TMED10: variants seen among roughly 807,000 people sequenced by gnomAD.
TMED10 encodes the protein transmembrane p24 trafficking protein 10.
In TMED10, 7 loss-of-function variants were observed where a neutral mutation model predicts 23.1. That is an observed-to-expected ratio of 0.30 (90% CI 0.17 to 0.57). The LOEUF (loss-of-function observed/expected upper bound fraction) is 0.57, where lower values mean the gene tolerates loss of function less well. Ranked by LOEUF, TMED10 falls within the 20% of genes least tolerant of loss-of-function variation. TMED10 has a pLI of 0.91. For missense variants in TMED10, 162 were observed against 274.8 expected, an observed-to-expected ratio of 0.59 and a Z score of 2.90; for synonymous variants, 113 against 106.9, an observed-to-expected ratio of 1.06 and a Z score of -0.35.
Position 75,147,610 on chromosome 14 carries a change from A to C in TMED10, c.411+54T>G, listed in dbSNP as rs926329402. On this transcript the variant is annotated intron_variant, in intron 3 of 4. Transcript: ENST00000303575. ...CCTGTTGGCCTGCCGAGGTCACAGA[A>C]ACCTCACAGCATAGCACACTGCTGC... 60 of 1,588,848 alleles carry C rather than the reference A, an allele frequency of 3.8e-5. 1 individual carries two copies. The East Asian group carries it at 6.0e-4, about 16-fold the overall frequency.
chr14:75,152,040 T>C lies in TMED10; in HGVS notation c.329A>G (p.Glu110Gly), dbSNP rs1202215495. The change falls in exon 2 of 5, where the codon GAG becomes GGG. Residue 110 changes from glutamate to glycine, a missense_variant. Glu to Gly is a moderately conservative substitution (Grantham distance 98). Around this residue, in one of 2 missense-constraint regions of TMED10, gnomAD observed 126 missense variants for 239.5 expected, o/e 0.53. Coordinates refer to ENST00000303575, the MANE Select transcript of TMED10 (RefSeq NM_006827.6). The stretch of plus-strand genomic sequence containing the variant: ...CACTCTTGATTACTCACCCTTGCTC[T>C]CAAAACACACTTCAAACATGTCATA... ...EDYDMFEVCF[E>G]SKGTGRIPDQ... The C allele has an allele frequency of 6.2e-7, 1 of 1,613,836 alleles. No individual in the cohort carries two copies. Among genetic ancestry groups the C allele is most frequent in the Admixed American group, 1.7e-5 (1 of 60,018 alleles).
chr14:75,145,169 T>C (rs1211399082), intron 3 of TMED10, among the ~76,000 whole-genome samples: 1 of 152,152 alleles, frequency 6.6e-6, no homozygotes, highest in Non-Finnish European at 1.5e-5. Flanking sequence ...CTTGGAGCTG[T>C]GTTGTAACTA....
At chr14:75,172,510 G>A (rs1476339252) in intron 1 of TMED10, among the ~76,000 whole-genome samples, 2 of 152,014 alleles carry the variant, frequency 1.3e-5, no homozygotes, top group Non-Finnish European at 2.9e-5. Context: ...GGGTTTCACC[G>A]TGTTGGTCAG....
chr14:75,173,151 C>T (rs2268618), intron 1 of TMED10, among the ~76,000 whole-genome samples: 75,684 of 151,996 alleles, frequency 0.5, 19,391 homozygotes, highest in Middle Eastern at 0.56. Context: ...TTTGGGAGGC[C>T]GAGATGGGCG....
intron 3 of TMED10, chr14:75,136,683 TATA>T (rs1464513822): frequency 6.6e-6 from 1 of 152,230 alleles, no homozygotes; most frequent in African/African-American, 2.4e-5. Flanking sequence ...TTCTGGTTCA[TATA>T]AATCCTACAA....
chr14:75,155,354 C>T (rs1211942550), intron 1 of TMED10, among the ~76,000 whole-genome samples: 1 of 152,100 alleles, frequency 6.6e-6, no homozygotes, highest in Non-Finnish European at 1.5e-5. Context: ...GCTTATGAGT[C>T]TAAATGAGGA....
chr14:75,169,626 C>T (rs1388693782), intron 1 of TMED10, among the ~76,000 whole-genome samples: 3 of 151,994 alleles, frequency 2.0e-5, no homozygotes, highest in Non-Finnish European at 4.4e-5. Flanking sequence ...CCATTGCACT[C>T]CAGCCTGGGC....
At chr14:75,173,891 C>T (rs1157842613) in intron 1 of TMED10, among the ~76,000 whole-genome samples, 1 of 152,132 alleles carries the variant, frequency 6.6e-6, no homozygotes, top group Non-Finnish European at 1.5e-5. Context: ...CCACCATGCC[C>T]AGCTAATTTT....
chr14:75,154,541 T>C (rs951844733), intron 1 of TMED10, among the ~76,000 whole-genome samples: 3 of 151,490 alleles, frequency 2.0e-5, no homozygotes, highest in East Asian at 3.9e-4. Context: ...AAATTTGAAA[T>C]GACAGATTAA....
At chr14:75,153,913 G>A (rs1335624710) in intron 1 of TMED10, among the ~76,000 whole-genome samples, 1 of 151,250 alleles carries the variant, frequency 6.6e-6, no homozygotes, top group Non-Finnish European at 1.5e-5. Flanking sequence ...GGAACTACAG[G>A]CACCCACGAC....
intron 1 of TMED10, among the ~76,000 whole-genome samples, chr14:75,154,690 G>A (rs1044892209): frequency 2.6e-5 from 4 of 151,976 alleles, no homozygotes; most frequent in Non-Finnish European, 5.9e-5. Context: ...TTGAGACAGA[G>A]TCTCGCTCTG....
chr14:75,164,561 ATATATATATATATATATTTTT>A (rs1344569850), intron 1 of TMED10, among the ~76,000 whole-genome samples: 932 of 14,362 alleles, frequency 0.065, 49 homozygotes, highest in South Asian at 0.22. Context: ...ATATATATAT[ATATATATATATATATATTTTT>A]TTTTTTTTTT....
chr14:75,150,027 C>T (rs115647231), intron 2 of TMED10, among the ~76,000 whole-genome samples: 212 of 152,224 alleles, frequency 1.4e-3, no homozygotes, highest in African/African-American at 5.0e-3. Flanking sequence ...CACTTGAACC[C>T]GGTAAAGTTG....
intron 3 of TMED10, among the ~76,000 whole-genome samples, chr14:75,141,665 C>A (rs1895824089): frequency 6.6e-6 from 1 of 152,048 alleles, no homozygotes; most frequent in Non-Finnish European, 1.5e-5. Context: ...GCATTAGAAT[C>A]CAAGTCTATG....
Position 75,176,554 on chromosome 14 carries a change from G to C in TMED10, c.26C>G (p.Ala9Gly). Reference protein sequence around the residue: MSGLSGPPARRGPFPLALL... With the variant: MSGLSGPPGRRGPFPLALL... ...CGCTAACGGAAAAGGGCCGCGCCGG[G>C]CTGGTGGGCCAGACAAACCAGACAT... is the stretch of plus-strand genomic sequence containing the variant. Residue 9 changes from alanine (A) to glycine (G), a missense_variant, in exon 1 of 5, where the codon GCC (alanine) becomes GGC (glycine). By Grantham distance (60) the Ala-to-Gly change is moderately conservative. This residue lies in a region of TMED10 where 36 missense variants were observed against 35.2 expected (regional missense o/e 1.02). Transcript: ENST00000303575. 2 of 1,614,176 alleles carry C rather than the reference G, an allele frequency of 1.2e-6. No individual in the cohort carries two copies. The highest frequency in any genetic ancestry group is 1.7e-6 in the Non-Finnish European group (2 of 1,180,036).
rs563669446 is a variant in TMED10, at chr14:75,152,241, T to C, written c.226-98A>G. ...TAGAGACACTATCTATGAAAGACAA[T>C]TGATAGTTCTCATTATGATGACTAT... On this transcript the variant is annotated intron_variant, in intron 1 of 4. Transcript: ENST00000303575. The C allele has an allele frequency of 9.9e-6, 9 of 904,876 alleles. No homozygotes were observed. In the African/African-American group the frequency reaches 1.0e-4, roughly 10 times the overall value. 56.1% of individuals were successfully genotyped at this position (904,876 alleles called of 1,614,324 possible). A position where few individuals can be genotyped will look rare whatever the true frequency, so the allele number is the denominator to read the frequency against.
rs190407902 is a variant in TMED10 at position 75,134,783 on chromosome 14, C to T, written c.*102G>A. ...ATCAGTTCTGGCAAGAAAGCTCCAA[C>T]GTGCCTTGATGGTGCTGTTGGTAGG... On this transcript the variant is annotated 3_prime_UTR_variant, in exon 5 of 5. Transcript: ENST00000303575. 851 of 1,519,542 alleles carry T rather than the reference C, an allele frequency of 5.6e-4. No individual in the cohort carries two copies. In the African/African-American group the frequency reaches 5.6e-3, roughly 10 times the overall value. 94.1% of individuals were successfully genotyped at this position (1,519,542 alleles called of 1,614,324 possible). A position where few individuals can be genotyped will look rare whatever the true frequency, so the allele number is the denominator to read the frequency against.
At chr14:75,163,290 C>G (rs554752138) in intron 1 of TMED10, among the ~76,000 whole-genome samples, 1 of 151,846 alleles carries the variant, frequency 6.6e-6, no homozygotes, top group Non-Finnish European at 1.5e-5. Flanking sequence ...CGGTGGCTCA[C>G]GCCTGTAATC....
intron 1 of TMED10, among the ~76,000 whole-genome samples, chr14:75,154,401 CAAAAAAAAAA>C (rs1166201835): frequency 3.1e-3 from 48 of 15,248 alleles, no homozygotes; most frequent in African/African-American, 9.3e-3. Context: ...GACTCTGTCT[CAAAAAAAAAA>C]AAAAAAAAAA....
Sources: gnomAD v4.1 joint callset for allele counts (sites outside exome capture counted in the v4.1 genomes callset) on GRCh38, gnomAD v4.1.1 for gene constraint, gnomAD v4.1.1 regional missense constraint, MANE v1.5 for transcripts, NCBI Gene and HGNC (gene_info 2026-07-23, HGNC 2026-07-21) for gene names.